The following SIPA1L3 variants were observed in gnomAD, a reference collection of about 807,000 sequenced individuals.
The protein encoded by SIPA1L3 is signal induced proliferation associated 1 like 3, also known as signal-induced proliferation-associated 1-like protein 3.
Under a neutral mutation model 150.1 loss-of-function variants are expected in SIPA1L3, and 59 were observed. That is an observed-to-expected ratio of 0.39 (90% CI 0.32 to 0.49). The LOEUF is 0.49. Among genes scored for constraint, SIPA1L3 ranks in the 20% least tolerant of loss-of-function variants. The probability of loss-of-function intolerance (pLI) is 0.86; values close to 1 mark genes in which losing one functional copy is unlikely to be tolerated. For synonymous variants in SIPA1L3, 1,070 were observed against 1,077.6 expected (o/e 0.99, Z 0.14); for missense variants, 2,211 against 2,489.5 (o/e 0.89, Z 2.38).
intron 16 of SIPA1L3, among the ~76,000 whole-genome samples, chr19:38,190,347 G>A (rs1225165614): frequency 1.3e-5 from 2 of 152,170 alleles, no homozygotes; most frequent in African/African-American, 2.4e-5. Context: ...TTTGATTTGT[G>A]TCTGTCTCTC....
intron 2 of SIPA1L3, among the ~76,000 whole-genome samples, chr19:38,059,702 C>G (rs186287049): frequency 4.3e-4 from 66 of 152,262 alleles, no homozygotes; most frequent in African/African-American, 1.4e-3. Context: ...AAAGCAAGCA[C>G]TCAGGTAACC....
chr19:37,911,463 T>C (rs2046376864), intron 1 of SIPA1L3, among the ~76,000 whole-genome samples: 1 of 152,078 alleles, frequency 6.6e-6, no homozygotes, highest in Non-Finnish European at 1.5e-5. Flanking sequence ...CCACGCTTTA[T>C]TCCAGCATTC....
chr19:38,156,858 A>G (rs569328276), intron 13 of SIPA1L3, among the ~76,000 whole-genome samples: 3 of 152,138 alleles, frequency 2.0e-5, no homozygotes, highest in African/African-American at 4.8e-5. Context: ...GAGGTCTACA[A>G]TGTATTCAAG....
intron 1 of SIPA1L3, among the ~76,000 whole-genome samples, chr19:38,017,782 T>C (rs1323762243): frequency 6.6e-6 from 1 of 152,042 alleles, no homozygotes; most frequent in Non-Finnish European, 1.5e-5. Flanking sequence ...CCTCCCATCT[T>C]GCCTCCCAAA....
At chr19:38,010,067 C>T (rs1444639855) in intron 1 of SIPA1L3, among the ~76,000 whole-genome samples, 1 of 152,092 alleles carries the variant, frequency 6.6e-6, no homozygotes, top group Non-Finnish European at 1.5e-5. Context: ...ACGTCTATAA[C>T]CCTGCTCAGC....
intron 21 of SIPA1L3, among the ~76,000 whole-genome samples, chr19:38,205,643 C>T (rs549971005): frequency 2.0e-5 from 3 of 152,134 alleles, no homozygotes; most frequent in Non-Finnish European, 4.4e-5. Flanking sequence ...CCCTGCCTTT[C>T]GGGGGCTACG....
Position 38,110,401 on chromosome 19 carries a change from C to T in SIPA1L3, c.2291+17C>T, listed in dbSNP as rs375908407. ...CTGTTACAGGTATGCCCCCCACACC[C>T]GGCCCCCAGCAGCGTATGGAGAGAG... On this transcript the variant is annotated intron_variant, in intron 8 of 21. Transcript: ENST00000222345. 8.8e-5 allele frequency: 141 copies of T among 1,605,244 alleles called. No homozygotes were observed. Among genetic ancestry groups the T allele is most frequent in the Non-Finnish European group, 1.1e-4 (126 of 1,173,636 alleles).
At chr19:37,968,273 A>G (rs2046923524) in intron 1 of SIPA1L3, among the ~76,000 whole-genome samples, 2 of 152,048 alleles carry the variant, frequency 1.3e-5, no homozygotes, top group African/African-American at 2.4e-5. Flanking sequence ...GGGTTTCACC[A>G]TATTGGCCAG....
rs10405162 is a variant in SIPA1L3 at position 37,994,632 on chromosome 19, C to T, written c.-378-34457C>T. 9.9e-3 allele frequency among the ~76,000 whole-genome samples: 1,514 copies of T among 152,258 alleles called. 22 individuals carry two copies. The highest frequency in any genetic ancestry group is 0.034 in the African/African-American group (1,405 of 41,530). ...AAATATACCAAGTGTTTATCGCTAG[C>T]GCCTTCTCTTCCTGCAGTGGGATGT... On this transcript the variant is annotated intron_variant, in intron 1 of 21. Transcript: ENST00000222345.
At chr19:38,179,678 A>T (rs1972516119) in intron 15 of SIPA1L3, among the ~76,000 whole-genome samples, 1 of 152,132 alleles carries the variant, frequency 6.6e-6, no homozygotes. Context: ...TATTGTCATT[A>T]TTGCCTTATA....
intron 1 of SIPA1L3, among the ~76,000 whole-genome samples, chr19:37,999,227 C>G (rs996069757): frequency 6.6e-6 from 1 of 152,174 alleles, no homozygotes. Context: ...TCATCTCTTT[C>G]CTGCTGAGGA....
At chr19:38,064,357 G>T (rs1654352) in intron 2 of SIPA1L3, among the ~76,000 whole-genome samples, 19 of 152,226 alleles carry the variant, frequency 1.2e-4, no homozygotes, top group Non-Finnish European at 2.2e-4. Flanking sequence ...TCCTTGCCAG[G>T]TCACATTTGG....
chr19:38,103,294 A>G (rs1970549083), intron 6 of SIPA1L3, among the ~76,000 whole-genome samples: 1 of 152,134 alleles, frequency 6.6e-6, no homozygotes, highest in Non-Finnish European at 1.5e-5. Flanking sequence ...TTGTTGCAGC[A>G]GTCTCTGTGC....
chr19:38,175,452 T>A (rs1972416949), intron 15 of SIPA1L3, among the ~76,000 whole-genome samples: 1 of 152,276 alleles, frequency 6.6e-6, no homozygotes, highest in African/African-American at 2.4e-5. Flanking sequence ...GTTTTTCAGC[T>A]TTTTTTGGAA....
chr19:38,143,972 T>C (rs1971650839), intron 12 of SIPA1L3, among the ~76,000 whole-genome samples: 1 of 152,190 alleles, frequency 6.6e-6, no homozygotes, highest in South Asian at 2.1e-4. Context: ...TGCCACACTT[T>C]AGCCACACTG....
intron 15 of SIPA1L3, among the ~76,000 whole-genome samples, chr19:38,165,903 C>T (rs1277167204): frequency 6.6e-6 from 1 of 152,164 alleles, no homozygotes; most frequent in Non-Finnish European, 1.5e-5. Context: ...GCTGAGATTA[C>T]AGGTGCCCAC....
chr19:38,023,232 T>C (rs1968419010), intron 1 of SIPA1L3, among the ~76,000 whole-genome samples: 1 of 152,128 alleles, frequency 6.6e-6, no homozygotes, highest in Non-Finnish European at 1.5e-5. Context: ...CACGCCTATC[T>C]TCTGGAGAGG....
intron 2 of SIPA1L3, among the ~76,000 whole-genome samples, chr19:38,072,073 C>G (rs1969734624): frequency 6.6e-6 from 1 of 152,232 alleles, no homozygotes; most frequent in South Asian, 2.1e-4. Context: ...CAGGCGCTGC[C>G]TGTGATTGCA....
At position 38,141,228 on chromosome 19, in the gene SIPA1L3, C is replaced by T. The variant is rs201914669; in HGVS notation, c.3188C>T (p.Thr1063Met). 112 of 1,612,806 alleles carry T rather than the reference C, an allele frequency of 6.9e-5. 1 individual carries two copies. The highest frequency in any genetic ancestry group is 4.4e-4 in the South Asian group (40 of 90,920). The change falls in exon 11 of 22, where the codon ACG (threonine) becomes ATG (methionine). Residue 1063 changes from threonine to methionine, a missense_variant. Physicochemically the swap from Thr to Met is moderately conservative, Grantham distance 81. This residue lies in a region of SIPA1L3 where 625 missense variants were observed against 804.2 expected (regional missense o/e 0.78). Coordinates refer to ENST00000222345, the MANE Select transcript of SIPA1L3 (RefSeq NM_015073.3). ...GACATGAATACCTCGGAGCCCAAGA[C>T]GGAGCAGGAAAGCATCACTCCTGGG... is the stretch of plus-strand genomic sequence containing the variant. ...TYDMNTSEPKTEQESITPGGR... is the reference protein window; with the variant it reads ...TYDMNTSEPKMEQESITPGGR...
Sources: allele counts gnomAD v4.1 joint callset (sites outside exome capture counted in the v4.1 genomes callset), GRCh38; gene constraint gnomAD v4.1.1; regional missense constraint gnomAD v4.1.1; transcripts MANE v1.5; gene names NCBI Gene and HGNC (gene_info 2026-07-23, HGNC 2026-07-21).